The following ANAPC10 variants were observed in gnomAD, a reference collection of about 807,000 sequenced individuals.
ANAPC10 encodes the protein anaphase-promoting complex subunit 10.
A neutral mutation model predicts 22.0 loss-of-function variants in ANAPC10; 12 were observed. That is an observed-to-expected ratio of 0.55 (90% CI 0.35 to 0.88). The LOEUF (loss-of-function observed/expected upper bound fraction) is 0.88, where lower values mean the gene tolerates loss of function less well. Ranked by LOEUF, ANAPC10 falls within the 40% of genes least tolerant of loss-of-function variation. ANAPC10 has a pLI of 0.01. For missense variants in ANAPC10, 188 were observed against 220.9 expected (o/e 0.85, Z 0.94); for synonymous variants, 65 against 69.5 (o/e 0.94, Z 0.32).
At chr4:145,077,056 G>A (rs1321530982) in intron 3 of ANAPC10, among the ~76,000 whole-genome samples, 2 of 152,098 alleles carry the variant, frequency 1.3e-5, no homozygotes, top group Non-Finnish European at 2.9e-5. Context: ...AAAATTAGGT[G>A]GGCGTGGTGG....
At chr4:145,055,046 T>A (rs2126371929) in intron 4 of ANAPC10, among the ~76,000 whole-genome samples, 1 of 151,964 alleles carries the variant, frequency 6.6e-6, no homozygotes, top group Non-Finnish European at 1.5e-5. Flanking sequence ...GCAAAAAAAA[T>A]TAAAAATAGA....
intron 4 of ANAPC10, among the ~76,000 whole-genome samples, chr4:145,046,927 T>C (rs1740393720): frequency 1.3e-5 from 2 of 152,084 alleles, no homozygotes; most frequent in Non-Finnish European, 2.9e-5. Context: ...TGTACAGTCA[T>C]GTACGAGTAA....
intron 3 of ANAPC10, among the ~76,000 whole-genome samples, chr4:145,067,022 C>A (rs778248655): frequency 6.7e-6 from 1 of 148,416 alleles, no homozygotes; most frequent in Non-Finnish European, 1.5e-5. Flanking sequence ...CACGTACCCA[C>A]AGAAATCGTA....
chr4:145,030,925 G>A (rs1299242204), intron 4 of ANAPC10, among the ~76,000 whole-genome samples: 1 of 152,148 alleles, frequency 6.6e-6, no homozygotes, highest in Non-Finnish European at 1.5e-5. Context: ...GATGGATCCT[G>A]GAGAAAGTGG....
At chr4:145,038,193 A>G (rs1458754582) in intron 4 of ANAPC10, among the ~76,000 whole-genome samples, 1 of 152,090 alleles carries the variant, frequency 6.6e-6, no homozygotes, top group African/African-American at 2.4e-5. Context: ...AATAATAGAT[A>G]AAAGGTCATT....
intron 2 of ANAPC10, among the ~76,000 whole-genome samples, chr4:145,093,291 AC>A (rs1356617122): frequency 6.6e-6 from 1 of 152,218 alleles, no homozygotes; most frequent in African/African-American, 2.4e-5. Flanking sequence ...ACTGAAGGTA[AC>A]CATAGCAATA....
At chr4:145,056,257 G>A (rs372372870) in intron 4 of ANAPC10, among the ~76,000 whole-genome samples, 14 of 152,172 alleles carry the variant, frequency 9.2e-5, no homozygotes, top group Non-Finnish European at 1.8e-4. Flanking sequence ...AGATGGCCAC[G>A]AGAGTGACCT....
intron 4 of ANAPC10, among the ~76,000 whole-genome samples, chr4:144,996,857 G>T (rs1731693404): frequency 1.3e-5 from 2 of 152,100 alleles, no homozygotes; most frequent in Non-Finnish European, 2.9e-5. Flanking sequence ...TTAGACGAAT[G>T]GCTAACTAGA....
intron 4 of ANAPC10, among the ~76,000 whole-genome samples, chr4:145,040,149 G>A (rs1047720315): frequency 6.6e-6 from 1 of 151,766 alleles, no homozygotes; most frequent in African/African-American, 2.4e-5. Flanking sequence ...GTGTGTGTGT[G>A]TGTGTGTGTG....
At chr4:145,047,552 C>G (rs902266022) in intron 4 of ANAPC10, among the ~76,000 whole-genome samples, 1 of 152,104 alleles carries the variant, frequency 6.6e-6, no homozygotes, top group Non-Finnish European at 1.5e-5. Context: ...AGACAATTCC[C>G]TCTCAACACA....
chr4:145,077,080 T>A lies in ANAPC10; in HGVS notation c.206+4580A>T, dbSNP rs540749264. On this transcript the variant is annotated intron_variant, in intron 3 of 4. Coordinates refer to ENST00000507656, the MANE Select transcript of ANAPC10 (RefSeq NM_001256706.2). ...TGGGCGTGGTGGCAGGCACCTGTAG[T>A]CCCAGCTACTCAGGAGGCTGAGGCA... Among the ~76,000 whole-genome samples the A allele has an allele frequency of 1.1e-4, 17 of 152,100 alleles. No homozygotes were observed. In the South Asian group the frequency reaches 3.3e-3, roughly 30 times the overall value.
intron 3 of ANAPC10, among the ~76,000 whole-genome samples, chr4:145,076,431 G>C (rs1459546499): frequency 6.6e-6 from 1 of 151,990 alleles, no homozygotes; most frequent in East Asian, 1.9e-4. Flanking sequence ...GAAGATAAAA[G>C]CAAAAAAGTC....
chr4:145,097,094 CA>C lies in ANAPC10; in HGVS notation c.-12-984del, dbSNP rs1320927183. 1.4e-4 allele frequency among the ~76,000 whole-genome samples: 21 copies of C among 152,152 alleles called. No individual in the cohort carries two copies. The East Asian group carries it at 3.3e-3, about 24-fold the overall frequency. Reference sequence around the variant, plus strand: ...GTGTGGCGGCACACACCTGTAGTCCCAGGGGGGCTGAGACAGGAGGATCACC... The same window carrying C: ...GTGTGGCGGCACACACCTGTAGTCCCGGGGGGCTGAGACAGGAGGATCACC... On this transcript the variant is annotated intron_variant, in intron 1 of 4. Coordinates refer to ENST00000507656, the MANE Select transcript of ANAPC10 (RefSeq NM_001256706.2).
At chr4:145,038,342 G>A (rs910757402) in intron 4 of ANAPC10, among the ~76,000 whole-genome samples, 13 of 151,780 alleles carry the variant, frequency 8.6e-5, no homozygotes, top group Admixed American at 4.6e-4. Flanking sequence ...GCAAAACCCC[G>A]TCTCTATTAA....
intron 4 of ANAPC10, among the ~76,000 whole-genome samples, chr4:145,040,302 C>T (rs1186064812): frequency 1.3e-5 from 2 of 152,120 alleles, no homozygotes; most frequent in African/African-American, 2.4e-5. Context: ...GCATGTGCCA[C>T]CACACCCAGC....
Position 144,995,462 on chromosome 4 carries a change from T to C in ANAPC10, c.469A>G (p.Lys157Glu), listed in dbSNP as rs1731471072. The C allele has an allele frequency of 1.2e-6, 2 of 1,613,816 alleles. No individual in the cohort carries two copies. The highest frequency in any genetic ancestry group is 1.7e-6 in the Non-Finnish European group (2 of 1,179,792). The change falls in exon 5 of 5, where the codon AAA (lysine) becomes GAA (glutamate). Residue 157 changes from lysine (K) to glutamate (E), a missense_variant. By Grantham distance (56) the Lys-to-Glu change is moderately conservative. Coordinates refer to ENST00000507656, the MANE Select transcript of ANAPC10 (RefSeq NM_001256706.2). ...NGRDTHMRQI[K>E]IYTPVEESSI... ...CTCTCTTCTACTGGTGTGTATATTTTAATTTGTCTCATATGGGTGTCTCTT... is the reference window on the plus strand; with the variant it reads ...CTCTCTTCTACTGGTGTGTATATTTCAATTTGTCTCATATGGGTGTCTCTT...
chr4:145,040,695 C>T (rs560060142), intron 4 of ANAPC10, among the ~76,000 whole-genome samples: 11 of 152,204 alleles, frequency 7.2e-5, no homozygotes, highest in African/African-American at 2.2e-4. Context: ...AATTACCCAA[C>T]CAAAATCCTG....
At chr4:145,091,529 G>A (rs539376619) in intron 2 of ANAPC10, among the ~76,000 whole-genome samples, 30 of 152,210 alleles carry the variant, frequency 2.0e-4, no homozygotes, top group African/African-American at 7.0e-4. Flanking sequence ...TAAAAAACGG[G>A]GGGAGGGGGA....
intron 3 of ANAPC10, among the ~76,000 whole-genome samples, chr4:145,079,056 C>T (rs1400415805): frequency 6.6e-6 from 1 of 152,082 alleles, no homozygotes; most frequent in Admixed American, 6.6e-5. Flanking sequence ...AACCAAAGAG[C>T]TTCAGCACAG....
Sources: gnomAD v4.1 joint callset for allele counts (sites outside exome capture counted in the v4.1 genomes callset) on GRCh38, gnomAD v4.1.1 for gene constraint, MANE v1.5 for transcripts, NCBI Gene and HGNC (gene_info 2026-07-23, HGNC 2026-07-21) for gene names.